The following NRF1 variants were observed in gnomAD, a reference collection of about 807,000 sequenced individuals.
NRF1 encodes alpha palindromic-binding protein.
In NRF1, 5 loss-of-function variants were observed where a neutral mutation model predicts 58.5. The ratio of observed to expected loss-of-function variants is 0.09; its 90% CI spans 0.04 to 0.18. The LOEUF is 0.18. NRF1 is among the 10% of genes least tolerant of loss of function. NRF1 has a pLI of 1.00. For synonymous variants in NRF1, 224 were observed against 246.7 expected, an observed-to-expected ratio of 0.91 and a Z score of 0.86; for missense variants, 288 against 657.7, an observed-to-expected ratio of 0.44 and a Z score of 6.15.
intron 4 of NRF1, among the ~76,000 whole-genome samples, chr7:129,685,701 G>A (rs1274510969): frequency 1.3e-5 from 2 of 151,948 alleles, no homozygotes; most frequent in Admixed American, 6.6e-5. Flanking sequence ...AGTGACACAT[G>A]TTTATTTGTG....
intron 1 of NRF1, among the ~76,000 whole-genome samples, chr7:129,644,262 T>C (rs111472267): frequency 6.6e-6 from 1 of 152,230 alleles, no homozygotes; most frequent in Non-Finnish European, 1.5e-5. Flanking sequence ...TAAAGAAACA[T>C]AGGAAATTAG....
intron 10 of NRF1, among the ~76,000 whole-genome samples, chr7:129,734,517 C>G (rs1181093499): frequency 6.6e-6 from 1 of 152,248 alleles, no homozygotes; most frequent in Admixed American, 6.5e-5. Flanking sequence ...TTAGCCACAG[C>G]ACCCATCTGC....
intron 1 of NRF1, among the ~76,000 whole-genome samples, chr7:129,637,547 A>T (rs781364154): frequency 6.6e-5 from 10 of 152,048 alleles, no homozygotes; most frequent in Non-Finnish European, 4.4e-5. Context: ...CCATAATTCT[A>T]TTTTGCATAG....
chr7:129,675,118 C>T (rs1469801767), intron 3 of NRF1, among the ~76,000 whole-genome samples: 1 of 152,220 alleles, frequency 6.6e-6, no homozygotes, highest in African/African-American at 2.4e-5. Flanking sequence ...GAGTGGATTT[C>T]ATCTCAGGAA....
At chr7:129,734,432 C>T (rs1203497949) in intron 10 of NRF1, among the ~76,000 whole-genome samples, 4 of 152,200 alleles carry the variant, frequency 2.6e-5, no homozygotes, top group Non-Finnish European at 4.4e-5. Flanking sequence ...GGGTGATAAC[C>T]ATTGTTGAAC....
At position 129,657,396 on chromosome 7, in the gene NRF1, A is replaced by T. The variant is rs1270416661; in HGVS notation, c.45A>T (p.Ile15=). Reference sequence around the variant, plus strand: ...CCCAAACCGAACATATGGCTACCATAGAAGCACATGCAGTGGCCCAGCAAG... The same window carrying T: ...CCCAAACCGAACATATGGCTACCATTGAAGCACATGCAGTGGCCCAGCAAG... The part of the protein sequence containing the change: ...GVTQTEHMAT[I]EAHAVAQQVQ... The change falls in exon 2 of 11, where the codon ATA becomes ATT. Residue 15 remains isoleucine, a synonymous_variant. Coordinates refer to ENST00000393232, the MANE Select transcript of NRF1 (RefSeq NM_005011.5). 2 of 1,614,192 alleles carry T rather than the reference A, an allele frequency of 1.2e-6. No homozygotes were observed. Among genetic ancestry groups the T allele is most frequent in the East Asian group, 2.2e-5 (1 of 44,886 alleles).
intron 10 of NRF1, among the ~76,000 whole-genome samples, chr7:129,754,581 C>T (rs1309478583): frequency 6.6e-6 from 1 of 151,232 alleles, no homozygotes; most frequent in Non-Finnish European, 1.5e-5. Flanking sequence ...GAGAGGTTGG[C>T]CAGCAGGTGC....
At chr7:129,712,140 C>G (rs542744169) in intron 8 of NRF1, among the ~76,000 whole-genome samples, 395 of 25,904 alleles carry the variant, frequency 0.015, 1 homozygote, top group Non-Finnish European at 0.03. Context: ...GTATAAAGTT[C>G]TGTTATCTTC....
At chr7:129,683,518 C>T (rs930273836) in intron 4 of NRF1, among the ~76,000 whole-genome samples, 8 of 149,188 alleles carry the variant, frequency 5.4e-5, no homozygotes, top group African/African-American at 1.5e-4. Flanking sequence ...TTACTAGAGA[C>T]GGGGTTTCAC....
intron 2 of NRF1, among the ~76,000 whole-genome samples, chr7:129,669,139 G>A (rs984535103): frequency 3.3e-5 from 5 of 152,118 alleles, no homozygotes; most frequent in African/African-American, 1.2e-4. Context: ...TAGAGATGGG[G>A]TTTCACCATA....
intron 1 of NRF1, among the ~76,000 whole-genome samples, chr7:129,645,555 G>A (rs7778085): frequency 0.88 from 134,027 of 152,244 alleles, 59,080 homozygotes; most frequent in East Asian, 0.93. Flanking sequence ...AGGGAGTTAG[G>A]ATGGTAGATA....
At chr7:129,615,186 A>G (rs1343507774) in intron 1 of NRF1, among the ~76,000 whole-genome samples, 2 of 152,250 alleles carry the variant, frequency 1.3e-5, no homozygotes, top group Non-Finnish European at 2.9e-5. Flanking sequence ...CTCAACAGGA[A>G]GTTAATGTAT....
At chr7:129,622,601 G>C (rs547926744) in intron 1 of NRF1, among the ~76,000 whole-genome samples, 2 of 136,274 alleles carry the variant, frequency 1.5e-5, no homozygotes, top group African/African-American at 2.8e-5. Flanking sequence ...ACAATGTCTC[G>C]CTCTGTTGCC....
At chr7:129,639,094 C>G (rs903976795) in intron 1 of NRF1, among the ~76,000 whole-genome samples, 6 of 152,164 alleles carry the variant, frequency 3.9e-5, no homozygotes, top group African/African-American at 7.2e-5. Flanking sequence ...GGTTCTCACT[C>G]TGTCCCCCAG....
At chr7:129,735,072 C>A (rs1215296447) in intron 10 of NRF1, 1 of 985,338 alleles carries the variant, frequency 1.0e-6, no homozygotes, top group Non-Finnish European at 1.2e-6. Context: ...CTTGGCTCTG[C>A]CTACAGCCCT....
At chr7:129,624,196 A>G (rs1166964436) in intron 1 of NRF1, among the ~76,000 whole-genome samples, 1 of 152,088 alleles carries the variant, frequency 6.6e-6, no homozygotes, top group Non-Finnish European at 1.5e-5. Context: ...CTCAAACATC[A>G]TTTCCTTAGG....
rs77954577 is a variant in NRF1, at chr7:129,741,701, C to T, written c.1349-13317C>T. On this transcript the variant is annotated intron_variant, in intron 10 of 10. Coordinates refer to ENST00000393232, the MANE Select transcript of NRF1 (RefSeq NM_005011.5). This position sits in a 1 kb window ranked among gnomAD's most constrained non-coding sequence, Gnocchi z 4.0. ...GGGGACTTTCCTCTTTTTATTTATG[C>T]TTCCATTAGGATTTTGAAGGAATGC... 7.4e-3 allele frequency among the ~76,000 whole-genome samples: 1,128 copies of T among 152,276 alleles called. 9 individuals are homozygous for T. Among genetic ancestry groups the T allele is most frequent in the Non-Finnish European group, 0.011 (715 of 68,026 alleles).
intron 2 of NRF1, among the ~76,000 whole-genome samples, chr7:129,663,565 G>A (rs1244040176): frequency 6.8e-6 from 1 of 147,990 alleles, no homozygotes; most frequent in Non-Finnish European, 1.5e-5. Context: ...CATCCCAGAC[G>A]ATGGGCGGCC....
intron 2 of NRF1, among the ~76,000 whole-genome samples, chr7:129,658,709 T>A (rs919835022): frequency 6.6e-6 from 1 of 152,220 alleles, no homozygotes; most frequent in Admixed American, 6.5e-5. Flanking sequence ...CCATCCTATA[T>A]GCTATTGTTG....
Sources: gnomAD v4.1 joint callset for allele counts (sites outside exome capture counted in the v4.1 genomes callset) on GRCh38, gnomAD v4.1.1 for gene constraint, Gnocchi (gnomAD v3.1) non-coding constraint, MANE v1.5 for transcripts, NCBI Gene and HGNC (gene_info 2026-07-23, HGNC 2026-07-21) for gene names.